PIEZO2: variants seen among roughly 807,000 people sequenced by gnomAD.
PIEZO2 encodes piezo type mechanosensitive ion channel component 2, also known as piezo-type mechanosensitive ion channel component 2.
A neutral mutation model predicts 337.3 loss-of-function variants in PIEZO2; 172 were observed. The observed-to-expected ratio is 0.51, with a 90% CI of 0.45 to 0.58. The LOEUF (loss-of-function observed/expected upper bound fraction) is 0.58. PIEZO2 is among the 20% of genes least tolerant of loss of function. The pLI is 0.00. For synonymous variants in PIEZO2, 1,251 were observed against 1,228.5 expected, an observed-to-expected ratio of 1.02 and a Z score of -0.38; for missense variants, 3,028 against 3,391.3, an observed-to-expected ratio of 0.89 and a Z score of 2.66.
chr18:10,904,308 T>C (rs1032411054), intron 4 of PIEZO2, among the ~76,000 whole-genome samples: 27 of 152,238 alleles, frequency 1.8e-4, no homozygotes, highest in Admixed American at 1.6e-3. Context: ...GTAGAGCCCA[T>C]AAAACCGAGT....
rs541322799 is a variant in PIEZO2 at position 10,731,643 on chromosome 18, C to G, written c.4915-122G>C. 30 of 511,046 alleles carry G rather than the reference C, an allele frequency of 5.9e-5. No homozygotes were observed. The South Asian group carries it at 1.4e-3, about 23-fold the overall frequency. The allele number at this position is 511,046 out of a possible 1,614,324, so 31.7% of individuals were successfully genotyped here. Reference sequence around the variant, plus strand: ...CCCAACACAAACTAAACATCCCGGGCTATTTTTATTATCATGAGATTCAAT... The same window carrying G: ...CCCAACACAAACTAAACATCCCGGGGTATTTTTATTATCATGAGATTCAAT... On this transcript the variant is annotated intron_variant, in intron 35 of 55. Transcript: ENST00000674853.
At chr18:11,067,157 C>T (rs8096089) in intron 1 of PIEZO2, among the ~76,000 whole-genome samples, 97,106 of 151,916 alleles carry the variant, frequency 0.64, 31,838 homozygotes, top group East Asian at 0.97. Context: ...AAAATGACAG[C>T]AGTAAGTCCT....
Position 10,671,658 on chromosome 18 carries a change from A to G in PIEZO2, c.8467T>C (p.Leu2823=). The change falls in exon 56 of 56, where the codon TTG becomes CTG. Residue 2823 remains leucine, a synonymous_variant. Transcript: ENST00000674853. ...ELPNVDRILK[L]CTDIFLVRET... ...CGAACTAAAAAAATATCTGTGCACA[A>G]CTTCAAAATTCGATCCACATTTGGA... 1 of 1,614,074 alleles carries G rather than the reference A, an allele frequency of 6.2e-7. No individual in the cohort carries two copies.
intron 1 of PIEZO2, among the ~76,000 whole-genome samples, chr18:11,072,093 C>T (rs926740551): frequency 6.6e-6 from 1 of 152,154 alleles, no homozygotes; most frequent in Non-Finnish European, 1.5e-5. Context: ...TTTCTTAGTC[C>T]CTGGTACCCC....
At chr18:10,720,184 T>A (rs911701878) in intron 36 of PIEZO2, among the ~76,000 whole-genome samples, 1 of 143,982 alleles carries the variant, frequency 6.9e-6, no homozygotes, top group African/African-American at 2.6e-5. Flanking sequence ...CTGGGCTTCA[T>A]ATATAGAGAG....
Position 10,780,333 on chromosome 18 carries a change from T to C in PIEZO2, c.2526A>G (p.Ile842Met). Residue 842 changes from isoleucine to methionine, a missense_variant, in exon 18 of 56, where the codon ATA (isoleucine) becomes ATG (methionine). Around this residue, in one of 5 missense-constraint regions of PIEZO2, gnomAD observed 1,925 missense variants for 2,051.9 expected, o/e 0.94. Transcript: ENST00000674853. ...HAKVNGRVYL[I>M]INSIKKKLPI... ...AACATTGAAGTACCCACCTATTTAT[T>C]ATTAGATATACGCGACCATTGACTT... 2.8e-6 allele frequency: 2 copies of C among 702,968 alleles called. No homozygotes were observed. Among genetic ancestry groups the C allele is most frequent in the South Asian group, 1.5e-5 (1 of 67,598 alleles). 43.5% of individuals were successfully genotyped at this position (702,968 alleles called of 1,614,324 possible).
Position 10,888,915 on chromosome 18 carries a change from T to G in PIEZO2, c.330-17500A>C, listed in dbSNP as rs2042681955. ...CAACCCCTCTCCCTCAACAACCCAG[T>G]TTTTCAGAAACCTAGCATGCTGCTA... is the stretch of plus-strand genomic sequence containing the variant. On this transcript the variant is annotated intron_variant, in intron 4 of 55. Transcript: ENST00000674853. This position sits in a 1 kb window ranked among gnomAD's most constrained non-coding sequence, Gnocchi z 4.1. 6.6e-6 allele frequency among the ~76,000 whole-genome samples: 1 copy of G among 151,186 alleles called. No individual in the cohort carries two copies. Among genetic ancestry groups the G allele is most frequent in the African/African-American group, 2.4e-5 (1 of 41,124 alleles).
intron 2 of PIEZO2, among the ~76,000 whole-genome samples, chr18:11,052,282 C>T (rs767887343): frequency 3.5e-4 from 54 of 152,200 alleles, no homozygotes; most frequent in Non-Finnish European, 4.1e-4. Flanking sequence ...ATGGATACTG[C>T]TTGACTTTTA....
rs1017315721 is a variant in PIEZO2 at position 10,894,353 on chromosome 18, C to G, written c.329+16833G>C. Among the ~76,000 whole-genome samples the G allele has an allele frequency of 1.3e-5, 2 of 152,090 alleles. No individual in the cohort carries two copies. Among genetic ancestry groups the G allele is most frequent in the African/African-American group, 4.8e-5 (2 of 41,416 alleles). ...CCTGTAATCCCAACTACTTGGGAGGCTGAGGCAGGAAAATCGCTTGAATTC... is the reference window on the plus strand; with the variant it reads ...CCTGTAATCCCAACTACTTGGGAGGGTGAGGCAGGAAAATCGCTTGAATTC... On this transcript the variant is annotated intron_variant, in intron 4 of 55. Transcript: ENST00000674853. The surrounding 1 kb of genome is among the most constrained non-coding windows in gnomAD (Gnocchi z 4.1).
At chr18:10,782,335 A>ATAATTAT (rs1568050987) in intron 17 of PIEZO2, among the ~76,000 whole-genome samples, 2 of 30,362 alleles carry the variant, frequency 6.6e-5, no homozygotes, top group Non-Finnish European at 1.0e-4. Flanking sequence ...AATTATATAT[A>ATAATTAT]AATAATTATA....
chr18:11,006,007 A>G (rs937675832), intron 2 of PIEZO2, among the ~76,000 whole-genome samples: 2 of 152,208 alleles, frequency 1.3e-5, no homozygotes, highest in Non-Finnish European at 2.9e-5. Flanking sequence ...TCATTTATCT[A>G]TAAACTGGCA....
chr18:10,784,079 A>C lies in PIEZO2; in HGVS notation c.2492+705T>G, dbSNP rs2039125240. Reference sequence around the variant, plus strand: ...ATAGGCTAAACATGAGGCAGAAAGGAAAACCATTGTCAGCGTTCACTAAAA... The same window carrying C: ...ATAGGCTAAACATGAGGCAGAAAGGCAAACCATTGTCAGCGTTCACTAAAA... On this transcript the variant is annotated intron_variant, in intron 17 of 55. Coordinates refer to ENST00000674853, the MANE Select transcript of PIEZO2 (RefSeq NM_001378183.1). This position sits in a 1 kb window ranked among gnomAD's most constrained non-coding sequence, Gnocchi z 4.5. 6.6e-6 allele frequency among the ~76,000 whole-genome samples: 1 copy of C among 152,238 alleles called. No individual in the cohort carries two copies. Among genetic ancestry groups the C allele is most frequent in the Non-Finnish European group, 1.5e-5 (1 of 68,038 alleles).
rs546629509 is a variant in PIEZO2 at position 11,067,798 on chromosome 18, C to A, written c.65-1576G>T. Among the ~76,000 whole-genome samples the A allele has an allele frequency of 2.6e-5, 4 of 152,290 alleles. No individual in the cohort carries two copies. The East Asian group carries it at 7.7e-4, about 29-fold the overall frequency. On this transcript the variant is annotated intron_variant, in intron 1 of 55. Coordinates refer to ENST00000674853, the MANE Select transcript of PIEZO2 (RefSeq NM_001378183.1). ...CTCAATATCCATTTTTACAAATGGA[C>A]AGATTATCCAGACAGAAAATTAATA...
At position 10,759,354 on chromosome 18, in the gene PIEZO2, T is replaced by A; in HGVS notation, c.3757+128A>T. 1 of 779,236 alleles carries A rather than the reference T, an allele frequency of 1.3e-6. No homozygotes were observed. The highest frequency in any genetic ancestry group is 2.0e-6 in the Non-Finnish European group (1 of 489,988). The allele number at this position is 779,236 out of a possible 1,614,324, so 48.3% of individuals were successfully genotyped here. A position where few individuals can be genotyped will look rare whatever the true frequency, so the allele number is the denominator to read the frequency against. On this transcript the variant is annotated intron_variant, in intron 26 of 55. Transcript: ENST00000674853. The surrounding 1 kb of genome is among the most constrained non-coding windows in gnomAD (Gnocchi z 5.5). ...ATTAATGACTTGTGATATTAATGCA[T>A]AAGACAAGCCTTTACATGATTACGA...
Position 10,993,746 on chromosome 18 carries a change from C to A in PIEZO2, c.161-14086G>T, listed in dbSNP as rs2035197734. ...GTTTCACCATGTTAGCCAGGATGGT[C>A]TCGATCTCCTGACTTCGTGATCTGC... On this transcript the variant is annotated intron_variant, in intron 2 of 55. Coordinates refer to ENST00000674853, the MANE Select transcript of PIEZO2 (RefSeq NM_001378183.1). The surrounding 1 kb of genome is among the most constrained non-coding windows in gnomAD (Gnocchi z 5.0). Among the ~76,000 whole-genome samples the A allele has an allele frequency of 6.6e-6, 1 of 152,174 alleles. No homozygotes were observed. Among genetic ancestry groups the A allele is most frequent in the Admixed American group, 6.5e-5 (1 of 15,284 alleles).
intron 2 of PIEZO2, among the ~76,000 whole-genome samples, chr18:11,063,281 T>C (rs1598903063): frequency 1.2e-5 from 1 of 82,884 alleles, no homozygotes; most frequent in Admixed American, 1.7e-4. Flanking sequence ...GGGCCTGTTG[T>C]GGGGTGGGGG....
In PIEZO2 at chr18:10,750,013, C is replaced by T; in HGVS notation, c.4264+78G>A. 9.0e-7 allele frequency: 1 copy of T among 1,114,772 alleles called. No individual in the cohort carries two copies. The allele number at this position is 1,114,772 out of a possible 1,614,324, so 69.1% of individuals were successfully genotyped here. ...ACTTTTATATCTTTATGTGCTTTGG[C>T]CCACTTTTAAAACTAGAACAATACA... On this transcript the variant is annotated intron_variant, in intron 29 of 55. Coordinates refer to ENST00000674853, the MANE Select transcript of PIEZO2 (RefSeq NM_001378183.1). This position sits in a 1 kb window ranked among gnomAD's most constrained non-coding sequence, Gnocchi z 4.1.
chr18:10,952,523 C>A lies in PIEZO2; in HGVS notation c.286+27012G>T, dbSNP rs1041361362. ...CTTAACATAATGCTGAATTGAGATG[C>A]TCTTGCATGTACCCATAGTTTGTTG... On this transcript the variant is annotated intron_variant, in intron 3 of 55. Coordinates refer to ENST00000674853, the MANE Select transcript of PIEZO2 (RefSeq NM_001378183.1). The surrounding 1 kb of genome is among the most constrained non-coding windows in gnomAD (Gnocchi z 4.1). Among the ~76,000 whole-genome samples, 37 of 152,186 alleles carry A rather than the reference C, an allele frequency of 2.4e-4. No homozygotes were observed. Among genetic ancestry groups the A allele is most frequent in the African/African-American group, 8.9e-4 (37 of 41,446 alleles).
intron 4 of PIEZO2, among the ~76,000 whole-genome samples, chr18:10,904,965 C>T (rs1408173789): frequency 6.6e-6 from 1 of 152,098 alleles, no homozygotes; most frequent in Non-Finnish European, 1.5e-5. Context: ...CCAAATATAG[C>T]CCAGGGGTGG....
Sources: allele counts gnomAD v4.1 joint callset (sites outside exome capture counted in the v4.1 genomes callset), GRCh38; gene constraint gnomAD v4.1.1; regional missense constraint gnomAD v4.1.1; non-coding constraint Gnocchi (gnomAD v3.1); transcripts MANE v1.5; gene names NCBI Gene and HGNC (gene_info 2026-07-23, HGNC 2026-07-21).